The following PSPC1 variants were observed in gnomAD, a reference collection of about 807,000 sequenced individuals.
The protein encoded by PSPC1 is paraspeckle component 1.
Under a neutral mutation model 51.6 loss-of-function variants are expected in PSPC1, and 14 were observed. That is an observed-to-expected ratio of 0.27 (90% CI 0.18 to 0.42). The LOEUF is 0.42. Ranked by LOEUF, PSPC1 falls within the 10% of genes least tolerant of loss-of-function variation. PSPC1 has a pLI of 1.00. For synonymous variants in PSPC1, 193 were observed against 231.9 expected, an observed-to-expected ratio of 0.83 and a Z score of 1.53; for missense variants, 406 against 701.1, an observed-to-expected ratio of 0.58 and a Z score of 4.75.
At chr13:19,709,164 A>AG (rs1379171544) in intron 7 of PSPC1, among the ~76,000 whole-genome samples, 1 of 146,648 alleles carries the variant, frequency 6.8e-6, no homozygotes, top group Non-Finnish European at 1.5e-5. Context: ...GCCTCAAAAA[A>AG]AAAAAAAAAA....
rs370840309 is a variant in PSPC1, at chr13:19,759,410, C to A, written c.683G>T (p.Arg228Leu). ...CTCCATGGGTTCCACAATGACTGGA[C>A]GAGGGGTCCTGGATAGGTATAAAAG... ...DGAFLLTTTP[R>L]PVIVEPMEQF... The change falls in exon 3 of 9, where the codon CGT (arginine) becomes CTT (leucine). Residue 228 changes from arginine to leucine, a missense_variant. Physicochemically the swap from Arg to Leu is moderately radical, Grantham distance 102 (BLOSUM62 -2). Around this residue, in one of 5 missense-constraint regions of PSPC1, gnomAD observed 180 missense variants for 337.9 expected, o/e 0.53. Transcript: ENST00000338910. 6.8e-6 allele frequency: 11 copies of A among 1,613,724 alleles called. No individual in the cohort carries two copies. Among genetic ancestry groups the A allele is most frequent in the East Asian group, 2.2e-5 (1 of 44,886 alleles).
chr13:19,742,184 G>A (rs1336154741), intron 4 of PSPC1, among the ~76,000 whole-genome samples: 1 of 151,298 alleles, frequency 6.6e-6, no homozygotes, highest in Non-Finnish European at 1.5e-5. Context: ...ATCTTGGCTG[G>A]GCGCGGTGGC....
At chr13:19,675,022 G>C (rs947988327) in intron 7 of PSPC1, 3 of 152,340 alleles carry the variant, frequency 2.0e-5, no homozygotes, top group African/African-American at 7.2e-5. Flanking sequence ...CAGTCAAATG[G>C]AAACAAGATC....
At chr13:19,757,841 T>C (rs2138185987) in intron 3 of PSPC1, among the ~76,000 whole-genome samples, 1 of 151,896 alleles carries the variant, frequency 6.6e-6, no homozygotes, top group Non-Finnish European at 1.5e-5. Context: ...TCTGCAAAAG[T>C]AATTGGAGAG....
chr13:19,729,477 C>G (rs1883774249), intron 6 of PSPC1, among the ~76,000 whole-genome samples: 1 of 149,714 alleles, frequency 6.7e-6, no homozygotes, highest in Admixed American at 6.7e-5. Context: ...GCAGAGGTTG[C>G]AGTGAGCTGA....
intron 6 of PSPC1, among the ~76,000 whole-genome samples, chr13:19,711,422 GT>G (rs1381919851): frequency 6.6e-6 from 1 of 152,060 alleles, no homozygotes; most frequent in Non-Finnish European, 1.5e-5. Context: ...GGATCATGAG[GT>G]CAGGAGATTG....
At chr13:19,710,405 T>G (rs1339825652) in intron 6 of PSPC1, among the ~76,000 whole-genome samples, 1 of 152,102 alleles carries the variant, frequency 6.6e-6, no homozygotes, top group Non-Finnish European at 1.5e-5. Context: ...ATAGGAAAAT[T>G]GCAATTTTCA....
At chr13:19,780,537 G>A (rs1468274475) in intron 1 of PSPC1, among the ~76,000 whole-genome samples, 4 of 85,470 alleles carry the variant, frequency 4.7e-5, no homozygotes, top group African/African-American at 1.4e-4. Flanking sequence ...TCTGAAACAT[G>A]TGCTGTGTCC....
At chr13:19,747,868 T>G (rs774065584) in intron 4 of PSPC1, among the ~76,000 whole-genome samples, 2 of 152,200 alleles carry the variant, frequency 1.3e-5, no homozygotes, top group Non-Finnish European at 2.9e-5. Flanking sequence ...CAACTAAGAT[T>G]AATTACAGTC....
intron 4 of PSPC1, among the ~76,000 whole-genome samples, chr13:19,744,143 T>G (rs756679218): frequency 3.0e-4 from 45 of 152,100 alleles, no homozygotes; most frequent in Non-Finnish European, 5.7e-4. Context: ...CCTTTTTTGT[T>G]TTTTCTCTCA....
chr13:19,769,716 C>T (rs1888440907), intron 2 of PSPC1, among the ~76,000 whole-genome samples: 1 of 151,720 alleles, frequency 6.6e-6, no homozygotes, highest in African/African-American at 2.4e-5. Flanking sequence ...GCCTGGGCAA[C>T]AAGAGCGAAA....
rs577288892 is a variant in PSPC1, at chr13:19,714,784, C to T, written c.1159-5185G>A. The stretch of plus-strand genomic sequence containing the variant: ...TGCTGTGATTACAGGTGTGAGCCAC[C>T]ATGCCCAGCCAACCCAATTAATTTC... On this transcript the variant is annotated intron_variant, in intron 6 of 8. Coordinates refer to ENST00000338910, the MANE Select transcript of PSPC1 (RefSeq NM_001354909.2). Among the ~76,000 whole-genome samples, 8 of 152,210 alleles carry T rather than the reference C, an allele frequency of 5.3e-5. No homozygotes were observed. The South Asian group carries it at 1.7e-3, about 32-fold the overall frequency.
chr13:19,756,436 G>A (rs1887078614), intron 3 of PSPC1, among the ~76,000 whole-genome samples: 1 of 152,098 alleles, frequency 6.6e-6, no homozygotes, highest in African/African-American at 2.4e-5. Flanking sequence ...GAAGAGTCAA[G>A]CAGGTTCACT....
chr13:19,772,779 A>G (rs1888738281), intron 1 of PSPC1, among the ~76,000 whole-genome samples: 1 of 152,228 alleles, frequency 6.6e-6, no homozygotes, highest in South Asian at 2.1e-4. Flanking sequence ...TTTAAAGATT[A>G]GCTCTTCATA....
intron 3 of PSPC1, among the ~76,000 whole-genome samples, chr13:19,756,992 T>C (rs1326098728): frequency 6.6e-6 from 1 of 151,802 alleles, no homozygotes; most frequent in East Asian, 2.0e-4. Context: ...TAGCCGGGCA[T>C]GGTGGCACGT....
chr13:19,717,058 T>C (rs1192237572), intron 6 of PSPC1, among the ~76,000 whole-genome samples: 1 of 149,734 alleles, frequency 6.7e-6, no homozygotes, highest in Non-Finnish European at 1.5e-5. Context: ...AGACTGCATC[T>C]CAAAAAAAAC....
At chr13:19,707,971 G>A (rs1043550798) in intron 7 of PSPC1, among the ~76,000 whole-genome samples, 2 of 152,016 alleles carry the variant, frequency 1.3e-5, no homozygotes, top group African/African-American at 4.8e-5. Context: ...ACTCAATTAT[G>A]CTTCATAATT....
chr13:19,679,374 T>C (rs1270267652), intron 6 of PSPC1, among the ~76,000 whole-genome samples: 1 of 152,158 alleles, frequency 6.6e-6, no homozygotes. Flanking sequence ...TACATGCCTG[T>C]AGTCCCAACT....
At chr13:19,772,025 C>T (rs560447664) in intron 2 of PSPC1, among the ~76,000 whole-genome samples, 1 of 152,096 alleles carries the variant, frequency 6.6e-6, no homozygotes, top group Non-Finnish European at 1.5e-5. Context: ...TGAAATAATA[C>T]AAAACACTGC....
Sources: allele counts gnomAD v4.1 joint callset (sites outside exome capture counted in the v4.1 genomes callset), GRCh38; gene constraint gnomAD v4.1.1; regional missense constraint gnomAD v4.1.1; transcripts MANE v1.5; gene names NCBI Gene and HGNC (gene_info 2026-07-23, HGNC 2026-07-21).